HOXD12: variants seen among roughly 807,000 people sequenced by gnomAD.
HOXD12 encodes homeobox D12, also known as homeobox protein Hox-D12.
A neutral mutation model predicts 20.2 loss-of-function variants in HOXD12; 21 were observed. That is an observed-to-expected ratio of 1.04 (90% CI 0.74 to 1.50). The LOEUF (loss-of-function observed/expected upper bound fraction) is 1.50, where lower values mean the gene tolerates loss of function less well. Ranked by LOEUF, HOXD12 falls within the 40% of genes most tolerant of loss-of-function variation. HOXD12 has a pLI of 0.00. For missense variants in HOXD12, 472 were observed against 365.5 expected, an observed-to-expected ratio of 1.29 and a Z score of -2.38; for synonymous variants, 196 against 168.8, an observed-to-expected ratio of 1.16 and a Z score of -1.25.
chr2:176,100,402 C>T (rs1204627395), intron 1 of HOXD12, 27 bp downstream of exon 1: 7 of 1,610,426 alleles, frequency 4.3e-6, no homozygotes, highest in African/African-American at 2.7e-5. Flanking sequence ...CTCCCCGGGC[C>T]GGTTTGGGCC....
Position 176,100,505 on chromosome 2 carries a change from T to C in HOXD12, c.575-17T>C, listed in dbSNP as rs1574946437. ...AGAGTACGGGCTGGGTTGACGTGGG[T>C]TGGGGCTGTGTTGCAGGCCTGCCGT... On this transcript the variant is annotated splice_polypyrimidine_tract_variant and intron_variant, in intron 1 of 1. Coordinates refer to ENST00000406506, the MANE Select transcript of HOXD12 (RefSeq NM_021193.4). 1.3e-6 allele frequency: 2 copies of C among 1,593,980 alleles called. No individual in the cohort carries two copies. The highest frequency in any genetic ancestry group is 2.3e-5 in the East Asian group (1 of 44,174).
chr2:176,100,263 G>A lies in HOXD12; in HGVS notation c.462G>A (p.Gln154=), dbSNP rs1312734050. Reference sequence around the variant, plus strand: ...CGCCGGGCTCCACGACCCTGCTCCAGGGGGCTCCCTGCGCCCCTGGCTTCA... The same window carrying A: ...CGCCGGGCTCCACGACCCTGCTCCAAGGGGCTCCCTGCGCCCCTGGCTTCA... The part of the protein sequence containing the change: ...RATPGSTTLL[Q]GAPCAPGFKD... Residue 154 remains glutamine, a synonymous_variant, in exon 1 of 2, where the codon CAG becomes CAA. Coordinates refer to ENST00000406506, the MANE Select transcript of HOXD12 (RefSeq NM_021193.4). 2 of 1,612,426 alleles carry A rather than the reference G, an allele frequency of 1.2e-6. No individual in the cohort carries two copies. The highest frequency in any genetic ancestry group is 8.5e-7 in the Non-Finnish European group (1 of 1,179,774).
In HOXD12 at chr2:176,100,116, G is replaced by C; in HGVS notation, c.315G>C (p.Ala105=). 1 of 1,609,514 alleles carries C rather than the reference G, an allele frequency of 6.2e-7. No homozygotes were observed. Among genetic ancestry groups the C allele is most frequent in the Non-Finnish European group, 8.5e-7 (1 of 1,179,268 alleles). The change falls in exon 1 of 2, where the codon GCG becomes GCC. Residue 105 remains alanine (A), a synonymous_variant. Coordinates refer to ENST00000406506, the MANE Select transcript of HOXD12 (RefSeq NM_021193.4). ...EEQAKFYAPE[A]AAGPEERGRT... ...AGGCTAAGTTCTATGCGCCCGAAGCGGCCGCTGGGCCAGAGGAGCGCGGTC... is the reference window on the plus strand; with the variant it reads ...AGGCTAAGTTCTATGCGCCCGAAGCCGCCGCTGGGCCAGAGGAGCGCGGTC...
In HOXD12 at chr2:176,100,803, C is replaced by CAG. The variant is rs1185139726; in HGVS notation, c.*46_*47dup. The stretch of plus-strand genomic sequence containing the variant: ...GCCGGGTTGGATCTGCCCTTTTGGA[C>CAG]AGAGGCCTTGTTTGGGGAGGGGGAT... On this transcript the variant is annotated 3_prime_UTR_variant, in exon 2 of 2. Coordinates refer to ENST00000406506, the MANE Select transcript of HOXD12 (RefSeq NM_021193.4). The CAG allele has an allele frequency of 7.4e-7, 1 of 1,349,306 alleles. No individual in the cohort carries two copies. The highest frequency in any genetic ancestry group is 1.4e-5 in the African/African-American group (1 of 69,508). 83.6% of individuals were successfully genotyped at this position (1,349,306 alleles called of 1,614,324 possible).
In HOXD12 at chr2:176,102,188, C is replaced by A. The variant is rs1689508303; in HGVS notation, c.*1428C>A. Among the ~76,000 whole-genome samples, 3 of 152,330 alleles carry A rather than the reference C, an allele frequency of 2.0e-5. No individual in the cohort carries two copies. In the South Asian group the frequency reaches 6.2e-4, roughly 32 times the overall value. On this transcript the variant is annotated 3_prime_UTR_variant, in exon 2 of 2. Coordinates refer to ENST00000406506, the MANE Select transcript of HOXD12 (RefSeq NM_021193.4). ...CCCTCTCCTTCTGACATGTAGCACT[C>A]CTCCTTCGCAATTCCTAGCATGATG...
rs1574946629 is a variant in HOXD12 at position 176,100,747 on chromosome 2, T to G, written c.800T>G (p.Leu267Arg). The change falls in exon 2 of 2, where the codon CTG (leucine) becomes CGG (arginine). Residue 267 changes from leucine (L) to arginine (R), a missense_variant. Leu to Arg is a moderately radical substitution (Grantham distance 102). Coordinates refer to ENST00000406506, the MANE Select transcript of HOXD12 (RefSeq NM_021193.4). ...KKRVVLREQALALY is the reference protein window; with the variant it reads ...KKRVVLREQARALY ...CGCGTGGTGCTTCGGGAGCAGGCGCTGGCGCTCTACTAGCCGCGCGCGTGG... is the reference window on the plus strand; with the variant it reads ...CGCGTGGTGCTTCGGGAGCAGGCGCGGGCGCTCTACTAGCCGCGCGCGTGG... 8 of 1,612,862 alleles carry G rather than the reference T, an allele frequency of 5.0e-6. No homozygotes were observed. The highest frequency in any genetic ancestry group is 6.8e-6 in the Non-Finnish European group (8 of 1,179,152).
chr2:176,100,543 C>T lies in HOXD12; in HGVS notation c.596C>T (p.Pro199Leu). The change falls in exon 2 of 2, where the codon CCG becomes CTG. Residue 199 changes from proline to leucine, a missense_variant. Transcript: ENST00000406506. ...LPDGLPWGAA[P>L]GRARKKRKPY... ...GCAGGCCTGCCGTGGGGGGCGGCCC[C>T]GGGGAGGGCCCGCAAGAAGCGGAAA... 6.2e-7 allele frequency: 1 copy of T among 1,607,834 alleles called. No homozygotes were observed. Among genetic ancestry groups the T allele is most frequent in the Non-Finnish European group, 8.5e-7 (1 of 1,177,264 alleles).
rs1174027841 is a variant in HOXD12, at chr2:176,099,830, G to GACTCTACAGTCT, written c.29_30insACTCTACAGTCT (p.Gly10_Tyr11insLeuTyrSerLeu). The GACTCTACAGTCT allele has an allele frequency of 6.5e-7, 1 of 1,543,660 alleles. No individual in the cohort carries two copies. The highest frequency in any genetic ancestry group is 8.7e-7 in the Non-Finnish European group (1 of 1,152,266). Reference sequence around the variant, plus strand: ...TGTGAGCGCAGTCTCTACAGAGCGGGCTATGTGGGCTCGCTTCTGAATCTG... The same window carrying GACTCTACAGTCT: ...TGTGAGCGCAGTCTCTACAGAGCGGGACTCTACAGTCTCTATGTGGGCTCGCTTCTGAATCTG... On this transcript the variant is annotated inframe_insertion, in exon 1 of 2. Coordinates refer to ENST00000406506, the MANE Select transcript of HOXD12 (RefSeq NM_021193.4).
chr2:176,099,920 C>T lies in HOXD12; in HGVS notation c.119C>T (p.Pro40Leu). ...AATGGCGGCCAGTTGGCCGCGCTTC[C>T]CCCTATCTCCTACCCGCGCGGCGCG... The part of the protein sequence containing the change: ...RPNGGQLAAL[P>L]PISYPRGALP... The change falls in exon 1 of 2, where the codon CCC (proline) becomes CTC (leucine). Residue 40 changes from proline to leucine, a missense_variant. Physicochemically the swap from Pro to Leu is moderately conservative, Grantham distance 98. Coordinates refer to ENST00000406506, the MANE Select transcript of HOXD12 (RefSeq NM_021193.4). The T allele has an allele frequency of 6.3e-7, 1 of 1,594,752 alleles. No homozygotes were observed. The highest frequency in any genetic ancestry group is 8.5e-7 in the Non-Finnish European group (1 of 1,173,298).
Position 176,100,103 on chromosome 2 carries a change from A to G in HOXD12, c.302A>G (p.Tyr101Cys). ...GGACCCGAAGAGCAGGCTAAGTTCT[A>G]TGCGCCCGAAGCGGCCGCTGGGCCA... ...KDGPEEQAKF[Y>C]APEAAAGPEE... is the part of the protein sequence containing the mutation. The change falls in exon 1 of 2, where the codon TAT becomes TGT. Residue 101 changes from tyrosine to cysteine, a missense_variant. Tyr to Cys is a radical substitution (Grantham distance 194). Coordinates refer to ENST00000406506, the MANE Select transcript of HOXD12 (RefSeq NM_021193.4). 2 of 1,607,752 alleles carry G rather than the reference A, an allele frequency of 1.2e-6. No homozygotes were observed. The highest frequency in any genetic ancestry group is 1.3e-5 in the African/African-American group (1 of 74,956).
Position 176,099,915 on chromosome 2 carries a change from G to A in HOXD12, c.114G>A (p.Ala38=), listed in dbSNP as rs1388676385. 2.5e-6 allele frequency: 4 copies of A among 1,594,204 alleles called. No homozygotes were observed. The highest frequency in any genetic ancestry group is 3.4e-6 in the Non-Finnish European group (4 of 1,173,016). Residue 38 remains alanine, a synonymous_variant, in exon 1 of 2, where the codon GCG becomes GCA. Coordinates refer to ENST00000406506, the MANE Select transcript of HOXD12 (RefSeq NM_021193.4). ...GGCCGAATGGCGGCCAGTTGGCCGCGCTTCCCCCTATCTCCTACCCGCGCG... is the reference window on the plus strand; with the variant it reads ...GGCCGAATGGCGGCCAGTTGGCCGCACTTCCCCCTATCTCCTACCCGCGCG... The part of the protein sequence containing the change: ...NLRPNGGQLA[A]LPPISYPRGA...
At position 176,100,177 on chromosome 2, in the gene HOXD12, G is replaced by T. The variant is rs761389454; in HGVS notation, c.376G>T (p.Ala126Ser). 6.2e-7 allele frequency: 1 copy of T among 1,612,408 alleles called. No individual in the cohort carries two copies. The highest frequency in any genetic ancestry group is 8.5e-7 in the Non-Finnish European group (1 of 1,179,746). The change falls in exon 1 of 2, where the codon GCT becomes TCT. Residue 126 changes from alanine to serine, a missense_variant. Ala to Ser is a moderately conservative substitution (Grantham distance 99, BLOSUM62 1). Coordinates refer to ENST00000406506, the MANE Select transcript of HOXD12 (RefSeq NM_021193.4). ...RPSFAPESSLAPAVAALKAAK... is the reference protein window; with the variant it reads ...RPSFAPESSLSPAVAALKAAK... The stretch of plus-strand genomic sequence containing the variant: ...GTCCTTCGCCCCCGAGTCTAGCCTG[G>T]CTCCTGCAGTGGCTGCTCTCAAAGC...
rs1312608402 is a variant in HOXD12, at chr2:176,100,761, CCG to C, written c.*8_*9del. On this transcript the variant is annotated 3_prime_UTR_variant, in exon 2 of 2. Transcript: ENST00000406506. The stretch of plus-strand genomic sequence containing the variant: ...GGAGCAGGCGCTGGCGCTCTACTAG[CCG>C]CGCGCGTGGCCAGGGCCGGGTTGGA... 1.2e-6 allele frequency: 2 copies of C among 1,607,630 alleles called. No homozygotes were observed. The highest frequency in any genetic ancestry group is 1.7e-6 in the Non-Finnish European group (2 of 1,174,936).
At position 176,099,933 on chromosome 2, in the gene HOXD12, C is replaced by T; in HGVS notation, c.132C>T (p.Tyr44=). 6.3e-7 allele frequency: 1 copy of T among 1,593,600 alleles called. No homozygotes were observed. The highest frequency in any genetic ancestry group is 8.5e-7 in the Non-Finnish European group (1 of 1,172,860). The change falls in exon 1 of 2, where the codon TAC becomes TAT. Residue 44 remains tyrosine (Y), a synonymous_variant. Transcript: ENST00000406506. ...TGGCCGCGCTTCCCCCTATCTCCTA[C>T]CCGCGCGGCGCGCTGCCCTGGGCCG... ...GQLAALPPIS[Y]PRGALPWAAT...
rs1369457034 is a variant in HOXD12, at chr2:176,100,570, C to T, written c.623C>T (p.Pro208Leu). ...GGGAGGGCCCGCAAGAAGCGGAAAC[C>T]CTACACGAAGCAGCAGATTGCGGAG... ...APGRARKKRKPYTKQQIAELE... is the reference protein window; with the variant it reads ...APGRARKKRKLYTKQQIAELE... The change falls in exon 2 of 2, where the codon CCC (proline) becomes CTC (leucine). Residue 208 changes from proline to leucine, a missense_variant. Coordinates refer to ENST00000406506, the MANE Select transcript of HOXD12 (RefSeq NM_021193.4). 2.5e-6 allele frequency: 4 copies of T among 1,611,916 alleles called. No homozygotes were observed. In the Admixed American group the frequency reaches 6.7e-5, roughly 27 times the overall value.
In HOXD12 at chr2:176,100,274, G is replaced by GC. The variant is rs1169403519; in HGVS notation, c.474dup (p.Ala159ArgfsTer80). On this transcript the variant is annotated frameshift_variant, in exon 1 of 2. Coordinates refer to ENST00000406506, the MANE Select transcript of HOXD12 (RefSeq NM_021193.4). LOFTEE classifies it high-confidence loss of function. ...ACGACCCTGCTCCAGGGGGCTCCCTGCGCCCCTGGCTTCAAGGACGACACC... is the reference window on the plus strand; with the variant it reads ...ACGACCCTGCTCCAGGGGGCTCCCTGCCGCCCCTGGCTTCAAGGACGACACC... 3.7e-6 allele frequency: 6 copies of GC among 1,612,574 alleles called. No homozygotes were observed. Among genetic ancestry groups the GC allele is most frequent in the Non-Finnish European group, 5.1e-6 (6 of 1,179,820 alleles).
rs1366651473 is a variant in HOXD12, at chr2:176,102,017, C to T, written c.*1257C>T. Among the ~76,000 whole-genome samples the T allele has an allele frequency of 2.0e-5, 3 of 152,202 alleles. No individual in the cohort carries two copies. Among genetic ancestry groups the T allele is most frequent in the South Asian group, 2.1e-4 (1 of 4,820 alleles). ...CCTGTCCCAGTGGAGACTTTAAGGC[C>T]CTGGGCCCTGCCAGGCTTGCCTCAT... On this transcript the variant is annotated 3_prime_UTR_variant, in exon 2 of 2. Coordinates refer to ENST00000406506, the MANE Select transcript of HOXD12 (RefSeq NM_021193.4).
intron 1 of HOXD12, 45 bp from the exon 2 acceptor site, chr2:176,100,477 G>A (rs1315249152): frequency 5.7e-6 from 9 of 1,589,200 alleles, no homozygotes; most frequent in Non-Finnish European, 7.7e-6. Context: ...GCGGGCAATA[G>A]ACAGAGTACG....
At position 176,101,151 on chromosome 2, in the gene HOXD12, C is replaced by T. The variant is rs143029040; in HGVS notation, c.*391C>T. On this transcript the variant is annotated 3_prime_UTR_variant, in exon 2 of 2. Coordinates refer to ENST00000406506, the MANE Select transcript of HOXD12 (RefSeq NM_021193.4). ...TCCAGCCCCTTCAGCGTATAGCAGT[C>T]GCCTAGTTAGGGCTCAGAGTGGAAG... 7.0e-5 allele frequency: 18 copies of T among 257,232 alleles called. No homozygotes were observed. The Admixed American group carries it at 8.1e-4, about 12-fold the overall frequency. 15.9% of individuals were successfully genotyped at this position (257,232 alleles called of 1,614,324 possible).
Sources: gnomAD v4.1 joint callset for allele counts (sites outside exome capture counted in the v4.1 genomes callset) on GRCh38, gnomAD v4.1.1 for gene constraint, MANE v1.5 for transcripts, NCBI Gene and HGNC (gene_info 2026-07-23, HGNC 2026-07-21) for gene names.